The following TTC28 variants were observed in gnomAD, a reference collection of about 807,000 sequenced individuals.
The protein encoded by TTC28 is tetratricopeptide repeat protein 28.
A neutral mutation model predicts 198.0 loss-of-function variants in TTC28; 61 were observed. That is an observed-to-expected ratio of 0.31 (90% confidence interval 0.25 to 0.38). TTC28 has a LOEUF of 0.38. TTC28 is among the 10% of genes least tolerant of loss of function. The pLI is 1.00. For missense variants in TTC28, 2,678 were observed against 3,164.0 expected (o/e 0.85, Z 3.69); for synonymous variants, 1,171 against 1,297.8 (o/e 0.90, Z 2.10).
chr22:28,072,370 A>G (rs1263622132), intron 12 of TTC28, among the ~76,000 whole-genome samples: 6 of 152,202 alleles, frequency 3.9e-5, no homozygotes, highest in African/African-American at 4.8e-5. Context: ...GGAGCTTGAA[A>G]TGCAGACATA....
At chr22:28,428,125 CAAAA>C (rs374249842) in intron 2 of TTC28, among the ~76,000 whole-genome samples, 4 of 99,912 alleles carry the variant, frequency 4.0e-5, no homozygotes, top group Admixed American at 1.0e-4. Flanking sequence ...TACCGTAAGA[CAAAA>C]AAAAAAAAAA....
chr22:28,387,688 G>A (rs974314441), intron 2 of TTC28, among the ~76,000 whole-genome samples: 6 of 152,166 alleles, frequency 3.9e-5, no homozygotes, highest in South Asian at 2.1e-4. Flanking sequence ...TTTTGATGGG[G>A]TTGTTTGTGT....
rs555541235 is a variant in TTC28 at position 28,393,662 on chromosome 22, C to T, written c.382-87019G>A. ...TGGGCTGAAATCATACCACTACACT[C>T]CAGCCTGAGTGACAGAGGGAGACCC... On this transcript the variant is annotated intron_variant, in intron 2 of 22. Coordinates refer to ENST00000397906, the MANE Select transcript of TTC28 (RefSeq NM_001145418.2). Among the ~76,000 whole-genome samples, 3 of 152,220 alleles carry T rather than the reference C, an allele frequency of 2.0e-5. No homozygotes were observed. In the South Asian group the frequency reaches 6.2e-4, roughly 32 times the overall value.
chr22:28,009,765 C>T (rs1938069961), intron 14 of TTC28, among the ~76,000 whole-genome samples: 1 of 152,224 alleles, frequency 6.6e-6, no homozygotes, highest in African/African-American at 2.4e-5. Flanking sequence ...CCTGTCTTCC[C>T]CAGGTTTAGG....
chr22:28,259,998 T>C (rs906931358), intron 5 of TTC28, among the ~76,000 whole-genome samples: 3 of 152,156 alleles, frequency 2.0e-5, no homozygotes, highest in African/African-American at 7.2e-5. Flanking sequence ...TCTATGCATT[T>C]ATCAGGAAAA....
chr22:28,457,992 T>C (rs892168305), intron 2 of TTC28, among the ~76,000 whole-genome samples: 9 of 152,164 alleles, frequency 5.9e-5, no homozygotes, highest in Non-Finnish European at 1.3e-4. Context: ...TTTTAAGTAA[T>C]TTTTGCATAT....
At chr22:28,071,761 A>AG (rs1211574798) in intron 12 of TTC28, among the ~76,000 whole-genome samples, 2 of 151,500 alleles carry the variant, frequency 1.3e-5, no homozygotes, top group African/African-American at 4.8e-5. Context: ...AAAAAAAAAA[A>AG]AAAAGAAAAA....
chr22:28,522,957 A>G (rs773123371), intron 2 of TTC28, among the ~76,000 whole-genome samples: 10 of 148,416 alleles, frequency 6.7e-5, no homozygotes, highest in Non-Finnish European at 1.3e-4. Context: ...CTGGAATTAG[A>G]TAGTGGTGAT....
intron 2 of TTC28, among the ~76,000 whole-genome samples, chr22:28,619,863 T>C (rs1353759261): frequency 6.6e-6 from 1 of 152,174 alleles, no homozygotes; most frequent in African/African-American, 2.4e-5. Context: ...AAATAATAGA[T>C]GCTTTACAAA....
rs560008154 is a variant in TTC28 at position 27,992,463 on chromosome 22, C to T, written c.5553+124G>A. ...TCTTACTCCCGGCCCTCACCTTCTC[C>T]TTTGAATCACAAAGGCGGTGAGACT... On this transcript the variant is annotated intron_variant, in intron 19 of 22. Coordinates refer to ENST00000397906, the MANE Select transcript of TTC28 (RefSeq NM_001145418.2). The T allele has an allele frequency of 3.2e-5, 33 of 1,015,542 alleles. No homozygotes were observed. The African/African-American group carries it at 3.7e-4, about 11-fold the overall frequency. 62.9% of individuals were successfully genotyped at this position (1,015,542 alleles called of 1,614,324 possible).
chr22:27,989,012 A>G (rs1208209977), intron 21 of TTC28, among the ~76,000 whole-genome samples: 1 of 152,228 alleles, frequency 6.6e-6, no homozygotes, highest in Non-Finnish European at 1.5e-5. Context: ...ATTGCCTGAC[A>G]CATAACAGGT....
At chr22:28,371,509 CAA>C (rs1229801209) in intron 2 of TTC28, among the ~76,000 whole-genome samples, 503 of 6,088 alleles carry the variant, frequency 0.083, 28 homozygotes, top group African/African-American at 0.25. Flanking sequence ...GACCCTGTCT[CAA>C]AAAAAAAAAA....
At position 28,296,062 on chromosome 22, in the gene TTC28, C is replaced by G. The variant is rs565620039; in HGVS notation, c.933+136G>C. 4.5e-6 allele frequency: 4 copies of G among 892,482 alleles called. No individual in the cohort carries two copies. The South Asian group carries it at 9.0e-5, about 20-fold the overall frequency. The allele number at this position is 892,482 out of a possible 1,614,324, so 55.3% of individuals were successfully genotyped here. A position where few individuals can be genotyped will look rare whatever the true frequency, so the allele number is the denominator to read the frequency against. ...CTCAATTGTTGATGAAAAACAGAAT[C>G]AGTAAGTCTCAAGTAATACTTTCTT... On this transcript the variant is annotated intron_variant, in intron 5 of 22. Transcript: ENST00000397906.
intron 2 of TTC28, among the ~76,000 whole-genome samples, chr22:28,346,725 T>C (rs367994722): frequency 2.6e-5 from 4 of 152,034 alleles, no homozygotes; most frequent in Non-Finnish European, 4.4e-5. Flanking sequence ...ATTCAGACAA[T>C]GTGTACATTT....
chr22:28,059,269 C>T (rs1940414396), intron 12 of TTC28, among the ~76,000 whole-genome samples: 1 of 151,934 alleles, frequency 6.6e-6, no homozygotes, highest in South Asian at 2.1e-4. Context: ...TATGCTTTAA[C>T]TTCATATTTT....
intron 2 of TTC28, among the ~76,000 whole-genome samples, chr22:28,539,435 G>C (rs1185983490): frequency 6.6e-6 from 1 of 152,074 alleles, no homozygotes; most frequent in Admixed American, 6.6e-5. Context: ...AGGGGTTCCA[G>C]ACCAGCCTGA....
intron 5 of TTC28, among the ~76,000 whole-genome samples, chr22:28,171,017 A>T (rs1188555992): frequency 6.6e-6 from 1 of 151,024 alleles, no homozygotes; most frequent in African/African-American, 2.4e-5. Flanking sequence ...GCCAAGGAAA[A>T]GCATGCAAAC....
chr22:28,165,859 C>T (rs1280106618), intron 5 of TTC28, among the ~76,000 whole-genome samples: 1 of 152,142 alleles, frequency 6.6e-6, no homozygotes, highest in African/African-American at 2.4e-5. Context: ...GGGCTAAATG[C>T]TCCAATTAAA....
chr22:28,647,030 T>C (rs1169651099), intron 1 of TTC28, among the ~76,000 whole-genome samples: 1 of 152,098 alleles, frequency 6.6e-6, no homozygotes, highest in African/African-American at 2.4e-5. Context: ...GGTATAAAAG[T>C]AGACACATAG....
Sources: gnomAD v4.1 joint callset for allele counts (sites outside exome capture counted in the v4.1 genomes callset) on GRCh38, gnomAD v4.1.1 for gene constraint, MANE v1.5 for transcripts, NCBI Gene and HGNC (gene_info 2026-07-23, HGNC 2026-07-21) for gene names.